The following CSMD1 variants were observed in gnomAD, a reference collection of about 807,000 sequenced individuals.
CSMD1 encodes CUB and Sushi multiple domains 1, also known as CUB and sushi domain-containing protein 1.
In CSMD1, 213 loss-of-function variants were observed where a neutral mutation model predicts 417.5. That is an observed-to-expected ratio of 0.51 (90% CI 0.46 to 0.57). CSMD1 has a LOEUF of 0.57. CSMD1 is among the 20% of genes least tolerant of loss of function. The pLI is 0.00. For missense variants in CSMD1, 6,923 were observed against 4,529.7 expected (o/e 1.53, Z -15.17); for synonymous variants, 2,862 against 1,736.8 (o/e 1.65, Z -16.11).
chr8:3,169,561 C>T (rs1413527511), intron 37 of CSMD1, among the ~76,000 whole-genome samples: 1 of 151,914 alleles, frequency 6.6e-6, no homozygotes, highest in Non-Finnish European at 1.5e-5. Context: ...CAGAGTTTTG[C>T]AAGATGTGAA....
intron 10 of CSMD1, among the ~76,000 whole-genome samples, chr8:3,525,945 A>G (rs184890283): frequency 2.6e-5 from 4 of 152,316 alleles, no homozygotes. Flanking sequence ...ATTGTTCTTA[A>G]GCCTTACAAC....
chr8:4,118,486 G>GAA (rs11370888), intron 3 of CSMD1, among the ~76,000 whole-genome samples: 1 of 152,006 alleles, frequency 6.6e-6, no homozygotes, highest in Non-Finnish European at 1.5e-5. Flanking sequence ...CAAACATATA[G>GAA]AAAAAAGCTC....
chr8:4,860,411 A>AT (rs1563611977), intron 1 of CSMD1, among the ~76,000 whole-genome samples: 6 of 140,270 alleles, frequency 4.3e-5, no homozygotes, highest in Non-Finnish European at 9.3e-5. Flanking sequence ...TAAAGTATAT[A>AT]AAAAAAAAAA....
At chr8:3,956,425 T>A (rs1049865124) in intron 5 of CSMD1, among the ~76,000 whole-genome samples, 22 of 152,182 alleles carry the variant, frequency 1.4e-4, no homozygotes, top group African/African-American at 5.3e-4. Context: ...CATGTATGTT[T>A]AGCCACTATG....
At chr8:3,916,235 G>C (rs889961350) in intron 5 of CSMD1, among the ~76,000 whole-genome samples, 13 of 152,040 alleles carry the variant, frequency 8.6e-5, no homozygotes, top group Admixed American at 6.6e-5. Context: ...TCATTTATGA[G>C]GTGTAACGAA....
intron 1 of CSMD1, among the ~76,000 whole-genome samples, chr8:4,824,325 G>C (rs909490525): frequency 8.6e-5 from 13 of 152,012 alleles, no homozygotes; most frequent in Non-Finnish European, 1.5e-4. Context: ...TGTGTTATTT[G>C]GTTGGGAGGT....
chr8:4,314,717 C>A (rs1473157098), intron 3 of CSMD1, among the ~76,000 whole-genome samples: 1 of 152,142 alleles, frequency 6.6e-6, no homozygotes, highest in Non-Finnish European at 1.5e-5. Context: ...CTTACGTACA[C>A]ACATACATCC....
At chr8:3,474,309 A>T (rs112071300) in intron 11 of CSMD1, among the ~76,000 whole-genome samples, 5 of 152,192 alleles carry the variant, frequency 3.3e-5, no homozygotes, top group African/African-American at 1.2e-4. Flanking sequence ...CAGGACAATA[A>T]ACAATGCAAT....
At chr8:3,607,018 T>A (rs1215716952) in intron 8 of CSMD1, among the ~76,000 whole-genome samples, 1 of 152,170 alleles carries the variant, frequency 6.6e-6, no homozygotes, top group Non-Finnish European at 1.5e-5. Flanking sequence ...CCTACCGTGT[T>A]ACAGTTTTTA....
intron 25 of CSMD1, among the ~76,000 whole-genome samples, chr8:3,297,862 A>G (rs1292321620): frequency 1.3e-5 from 2 of 152,192 alleles, no homozygotes; most frequent in Non-Finnish European, 2.9e-5. Context: ...ATGAGTAAAA[A>G]TTATTATGAC....
At chr8:3,933,621 T>C (rs185625124) in intron 5 of CSMD1, among the ~76,000 whole-genome samples, 12 of 152,242 alleles carry the variant, frequency 7.9e-5, no homozygotes, top group Middle Eastern at 3.4e-3. Flanking sequence ...TCTGGTAAGA[T>C]ACTGTTAGTC....
chr8:4,290,573 T>G (rs1237431873), intron 3 of CSMD1, among the ~76,000 whole-genome samples: 2 of 152,218 alleles, frequency 1.3e-5, no homozygotes, highest in Non-Finnish European at 2.9e-5. Context: ...ATAGCTTTTC[T>G]GTCTCCCATG....
chr8:4,130,304 T>C (rs900455781), intron 3 of CSMD1, among the ~76,000 whole-genome samples: 1 of 152,198 alleles, frequency 6.6e-6, no homozygotes, highest in Non-Finnish European at 1.5e-5. Context: ...TATTCTGGTA[T>C]AATCCCCAAA....
chr8:4,792,527 G>T (rs181477276), intron 1 of CSMD1, among the ~76,000 whole-genome samples: 1 of 152,014 alleles, frequency 6.6e-6, no homozygotes, highest in African/African-American at 2.4e-5. Context: ...CTGTGCTTTG[G>T]GTGATCACGC....
intron 3 of CSMD1, among the ~76,000 whole-genome samples, chr8:4,400,776 T>C (rs199677658): frequency 6.7e-6 from 1 of 149,646 alleles, no homozygotes; most frequent in Non-Finnish European, 1.5e-5. Flanking sequence ...TTTTTTTTTT[T>C]CCTTTTTAAA....
intron 37 of CSMD1, among the ~76,000 whole-genome samples, chr8:3,171,950 T>A (rs148814906): frequency 5.4e-4 from 83 of 152,314 alleles, no homozygotes; most frequent in African/African-American, 1.9e-3. Context: ...GTTTTCCCTT[T>A]CTGTAGCATG....
At chr8:4,073,385 A>G (rs1004490454) in intron 3 of CSMD1, among the ~76,000 whole-genome samples, 10 of 152,156 alleles carry the variant, frequency 6.6e-5, no homozygotes, top group African/African-American at 2.4e-4. Flanking sequence ...AATGAAGCTA[A>G]AAAAAGTAAA....
At chr8:4,439,713 G>C (rs80004757) in intron 2 of CSMD1, among the ~76,000 whole-genome samples, 19,006 of 152,114 alleles carry the variant, frequency 0.12, 1,568 homozygotes, top group East Asian at 0.39. Flanking sequence ...ATTTAGTTAG[G>C]TTTTGAAATA....
intron 1 of CSMD1, among the ~76,000 whole-genome samples, chr8:4,792,540 C>G (rs1324771632): frequency 6.6e-6 from 1 of 152,094 alleles, no homozygotes; most frequent in Non-Finnish European, 1.5e-5. Context: ...GATCACGCAC[C>G]CATTCAGCCA....
Sources: allele counts gnomAD v4.1 joint callset (sites outside exome capture counted in the v4.1 genomes callset), GRCh38; gene constraint gnomAD v4.1.1; transcripts MANE v1.5; gene names NCBI Gene and HGNC (gene_info 2026-07-23, HGNC 2026-07-21).